Variants in CCDC68 observed in about 807,000 individuals in gnomAD.
CCDC68 encodes the protein coiled-coil domain containing 68.
In CCDC68, 45 loss-of-function variants were observed where a neutral mutation model predicts 47.1. The ratio of observed to expected loss-of-function variants is 0.96; its 90% CI spans 0.75 to 1.23. CCDC68 has a LOEUF of 1.23. Among genes scored for constraint, CCDC68 ranks in the 50% most tolerant of loss-of-function variants. The pLI, the probability that CCDC68 is intolerant of heterozygous loss-of-function variation, is 0.00. For synonymous variants in CCDC68, 131 were observed against 129.5 expected (o/e 1.01, Z -0.08); for missense variants, 353 against 373.6 (o/e 0.94, Z 0.45).
intron 7 of CCDC68, among the ~76,000 whole-genome samples, chr18:54,933,683 A>G (rs1175447273): frequency 1.3e-5 from 2 of 152,232 alleles, no homozygotes; most frequent in African/African-American, 4.8e-5. Context: ...ATGCCTGGAT[A>G]AACTAATTGC....
At chr18:54,935,483 T>C (rs1037683772) in intron 6 of CCDC68, among the ~76,000 whole-genome samples, 151 of 152,126 alleles carry the variant, frequency 9.9e-4, no homozygotes, top group African/African-American at 3.6e-3. Flanking sequence ...TACTCTTCTG[T>C]GTGTGTATTT....
chr18:54,912,575 G>A (rs1914429238), intron 10 of CCDC68, among the ~76,000 whole-genome samples: 1 of 152,106 alleles, frequency 6.6e-6, no homozygotes, highest in Admixed American at 6.6e-5. Flanking sequence ...CAAATTTAAT[G>A]TTATAACCAG....
rs1914144895 is a variant in CCDC68 at position 54,908,497 on chromosome 18, G to C, written c.874-635C>G. On this transcript the variant is annotated intron_variant, in intron 10 of 11. Coordinates refer to ENST00000591504, the MANE Select transcript of CCDC68 (RefSeq NM_025214.3). ...CAACAGCTAAGAACAGGAGTGGTTA[G>C]AGCACAAGTTCTCAGGTACAAATCC... Among the ~76,000 whole-genome samples the C allele has an allele frequency of 1.3e-5, 2 of 152,172 alleles. 1 individual carries two copies. The highest frequency in any genetic ancestry group is 4.1e-4 in the South Asian group (2 of 4,834).
chr18:54,958,779 A>C (rs11152090), intron 1 of CCDC68, among the ~76,000 whole-genome samples: 27,075 of 152,176 alleles, frequency 0.18, 2,632 homozygotes, highest in East Asian at 0.3. Context: ...CATCTAAAAT[A>C]TCATGATGCT....
intron 10 of CCDC68, among the ~76,000 whole-genome samples, chr18:54,916,109 C>T (rs1259265483): frequency 2.0e-5 from 3 of 152,046 alleles, no homozygotes; most frequent in Non-Finnish European, 4.4e-5. Context: ...CTGAAGGTCC[C>T]CTGAAATAAA....
At chr18:54,905,605 G>A (rs997264747) in intron 11 of CCDC68, among the ~76,000 whole-genome samples, 1 of 152,026 alleles carries the variant, frequency 6.6e-6, no homozygotes, top group Non-Finnish European at 1.5e-5. Context: ...TAATTCCATT[G>A]TATATTTGTG....
intron 7 of CCDC68, among the ~76,000 whole-genome samples, chr18:54,932,680 C>G (rs1354206064): frequency 6.6e-6 from 1 of 152,152 alleles, no homozygotes; most frequent in African/African-American, 2.4e-5. Flanking sequence ...CTCCTGGAGA[C>G]AGCCCACTGT....
chr18:54,932,714 G>A (rs1249937080), intron 7 of CCDC68, among the ~76,000 whole-genome samples: 3 of 152,198 alleles, frequency 2.0e-5, no homozygotes. Context: ...CAGGGCAGGA[G>A]ATAGGCCATC....
intron 7 of CCDC68, among the ~76,000 whole-genome samples, chr18:54,933,531 T>A (rs2044297950): frequency 6.6e-6 from 1 of 152,254 alleles, no homozygotes; most frequent in Non-Finnish European, 1.5e-5. Context: ...TTCCCAGAAT[T>A]GTCTTTCTTT....
At chr18:54,926,490 T>G (rs2044147355) in intron 8 of CCDC68, among the ~76,000 whole-genome samples, 1 of 152,202 alleles carries the variant, frequency 6.6e-6, no homozygotes, top group African/African-American at 2.4e-5. Context: ...TCCCATGACA[T>G]GTAGGGATTA....
rs552639908 is a variant in CCDC68, at chr18:54,948,383, G to A, written c.-102-2906C>T. The stretch of plus-strand genomic sequence containing the variant: ...TTACTAGCAAACCACCAGAAGCAGG[G>A]GAGAGGCATGAAACAGATCTCTCCC... On this transcript the variant is annotated intron_variant, in intron 1 of 11. Transcript: ENST00000591504. Among the ~76,000 whole-genome samples the A allele has an allele frequency of 3.3e-5, 5 of 152,210 alleles. No homozygotes were observed. The South Asian group carries it at 1.0e-3, about 32-fold the overall frequency.
chr18:54,916,715 C>T (rs892882225), intron 10 of CCDC68, among the ~76,000 whole-genome samples: 19 of 152,128 alleles, frequency 1.2e-4, no homozygotes, highest in Non-Finnish European at 2.9e-5. Context: ...AGGGGCATCG[C>T]CAGCAGAGGA....
chr18:54,935,637 A>G (rs959117456), intron 6 of CCDC68, among the ~76,000 whole-genome samples: 2 of 152,114 alleles, frequency 1.3e-5, no homozygotes, highest in Admixed American at 1.3e-4. Context: ...AAGCGCCCCC[A>G]TAGCATAGCA....
At chr18:54,953,137 G>C (rs2044647024) in intron 1 of CCDC68, among the ~76,000 whole-genome samples, 1 of 152,116 alleles carries the variant, frequency 6.6e-6, no homozygotes, top group Admixed American at 6.5e-5. Flanking sequence ...TGACATTCTA[G>C]AAAAGTAAAA....
Position 54,917,914 on chromosome 18 carries a change from TG to T in CCDC68, c.871del (p.Gln291ArgfsTer5). ...ATGTAAGACAGGTTCCCTCCTTACC[TG>T]GGCTTCAAGTATGTTAACCTTTTCT... ...LREKVNILEAQNKELKTQVAL... is the reference protein window; with the variant it reads ...LREKVNILEAXNKELKTQVAL... On this transcript the variant is annotated frameshift_variant and splice_region_variant, in exon 10 of 12. Coordinates refer to ENST00000591504, the MANE Select transcript of CCDC68 (RefSeq NM_025214.3). LOFTEE classifies it high-confidence loss of function. 6.4e-7 allele frequency: 1 copy of T among 1,567,808 alleles called. No individual in the cohort carries two copies. Among genetic ancestry groups the T allele is most frequent in the Non-Finnish European group, 8.8e-7 (1 of 1,140,220 alleles).
chr18:54,946,832 G>GTTT (rs554906167), intron 1 of CCDC68, among the ~76,000 whole-genome samples: 1 of 148,440 alleles, frequency 6.7e-6, no homozygotes, highest in African/African-American at 2.5e-5. Flanking sequence ...AGGAAAATGA[G>GTTT]TTTTTTTTTT....
chr18:54,908,271 A>C (rs7242559), intron 10 of CCDC68, among the ~76,000 whole-genome samples: 149,616 of 152,316 alleles, frequency 0.98, 73,557 homozygotes, highest in East Asian at 1. Flanking sequence ...GAAAATAGGT[A>C]CCATCTGCTC....
intron 1 of CCDC68, among the ~76,000 whole-genome samples, chr18:54,946,800 A>G (rs1222099609): frequency 6.6e-6 from 1 of 151,902 alleles, no homozygotes; most frequent in Non-Finnish European, 1.5e-5. Context: ...GCTGTCAGGT[A>G]GGGGTGATAA....
intron 10 of CCDC68, among the ~76,000 whole-genome samples, chr18:54,915,645 T>C (rs1265719362): frequency 6.6e-6 from 1 of 152,134 alleles, no homozygotes; most frequent in Non-Finnish European, 1.5e-5. Flanking sequence ...ATGTAAGAAA[T>C]AGGCCAGGCA....
Sources: allele counts gnomAD v4.1 joint callset (sites outside exome capture counted in the v4.1 genomes callset), GRCh38; gene constraint gnomAD v4.1.1; transcripts MANE v1.5; gene names NCBI Gene and HGNC (gene_info 2026-07-23, HGNC 2026-07-21).